PDZD2: variants seen among roughly 807,000 people sequenced by gnomAD.
The protein encoded by PDZD2 is PDZ domain-containing protein 2.
In PDZD2, 90 loss-of-function variants were observed where a neutral mutation model predicts 220.7. The observed-to-expected ratio is 0.41, with a 90% CI of 0.34 to 0.49. PDZD2 has a LOEUF of 0.49. PDZD2 is among the 20% of genes least tolerant of loss of function. The pLI is 0.28. For synonymous variants in PDZD2, 1,375 were observed against 1,450.5 expected (o/e 0.95, Z 1.18); for missense variants, 3,174 against 3,608.5 (o/e 0.88, Z 3.08).
chr5:31,759,274 ATT>A (rs575327865), intron 1 of PDZD2, among the ~76,000 whole-genome samples: 253 of 152,264 alleles, frequency 1.7e-3, no homozygotes, highest in African/African-American at 5.6e-3. Context: ...AAAAGGATGC[ATT>A]TGAACAGCTG....
chr5:31,687,196 G>T (rs1746909099), intron 1 of PDZD2, among the ~76,000 whole-genome samples: 1 of 152,178 alleles, frequency 6.6e-6, no homozygotes, highest in African/African-American at 2.4e-5. Context: ...ATCAGTAAAG[G>T]CTCCCAGGAG....
intron 1 of PDZD2, among the ~76,000 whole-genome samples, chr5:31,737,005 TAC>T (rs1218567955): frequency 2.0e-5 from 3 of 151,904 alleles, no homozygotes; most frequent in Non-Finnish European, 4.4e-5. Context: ...ATGCTTCCTA[TAC>T]AGCCTGCAGA....
chr5:31,858,120 C>G (rs146923981), intron 2 of PDZD2, among the ~76,000 whole-genome samples: 1 of 152,232 alleles, frequency 6.6e-6, no homozygotes, highest in East Asian at 1.9e-4. Flanking sequence ...GCCACCGCAC[C>G]TGGCCTTTTT....
chr5:31,815,245 C>CAAAAAAAAAAAAA (rs59040987), intron 2 of PDZD2, among the ~76,000 whole-genome samples: 12 of 57,936 alleles, frequency 2.1e-4, no homozygotes, highest in African/African-American at 7.4e-4. Context: ...AACTCTGTCT[C>CAAAAAAAAAAAAA]AAAAAAAAAA....
chr5:31,719,728 T>C (rs1279699049), intron 1 of PDZD2, among the ~76,000 whole-genome samples: 1 of 152,234 alleles, frequency 6.6e-6, no homozygotes, highest in Non-Finnish European at 1.5e-5. Flanking sequence ...ATTTACAGTC[T>C]AGCTTCTCCA....
intron 1 of PDZD2, among the ~76,000 whole-genome samples, chr5:31,787,424 G>C (rs1044497856): frequency 2.6e-5 from 4 of 152,166 alleles, no homozygotes; most frequent in Non-Finnish European, 5.9e-5. Flanking sequence ...TTTAGAAGTA[G>C]GTAGGGAACA....
chr5:31,674,042 G>T (rs1047841002), intron 1 of PDZD2, among the ~76,000 whole-genome samples: 1 of 152,184 alleles, frequency 6.6e-6, no homozygotes, highest in Non-Finnish European at 1.5e-5. Flanking sequence ...ATAACCAGGA[G>T]GAGAGCCCTC....
intron 2 of PDZD2, among the ~76,000 whole-genome samples, chr5:31,975,281 C>G (rs902764461): frequency 1.3e-5 from 2 of 152,172 alleles, no homozygotes; most frequent in African/African-American, 4.8e-5. Context: ...AAAGTCACAT[C>G]TTACATGGCA....
At chr5:31,923,294 T>C (rs531284631) in intron 2 of PDZD2, 1 of 607,538 alleles carries the variant, frequency 1.6e-6, no homozygotes, top group African/African-American at 1.9e-5. Flanking sequence ...AAAATAAAAA[T>C]AACTTCTCCC....
At chr5:31,865,137 G>A (rs930213591) in intron 2 of PDZD2, among the ~76,000 whole-genome samples, 1 of 151,894 alleles carries the variant, frequency 6.6e-6, no homozygotes, top group Non-Finnish European at 1.5e-5. Context: ...GTGAACCATC[G>A]CGCCCAGCTG....
At chr5:32,011,022 ACAAC>A (rs796353576) in intron 6 of PDZD2, among the ~76,000 whole-genome samples, 25 of 134,486 alleles carry the variant, frequency 1.9e-4, no homozygotes, top group African/African-American at 5.9e-4. Flanking sequence ...AAAAAAAAAA[ACAAC>A]AACAACAACA....
At chr5:31,976,874 C>T (rs182904021) in intron 2 of PDZD2, among the ~76,000 whole-genome samples, 1 of 151,736 alleles carries the variant, frequency 6.6e-6, no homozygotes, top group African/African-American at 2.4e-5. Context: ...CGTGCTACCA[C>T]GCCCGGCTAA....
At chr5:31,648,623 AC>A (rs904185344) in intron 1 of PDZD2, among the ~76,000 whole-genome samples, 50 of 150,080 alleles carry the variant, frequency 3.3e-4, no homozygotes, top group African/African-American at 1.2e-3. Flanking sequence ...GACACCCTTG[AC>A]CCCAGTCCTT....
chr5:32,013,699 A>G (rs79233495), intron 6 of PDZD2, among the ~76,000 whole-genome samples: 1,725 of 152,172 alleles, frequency 0.011, 35 homozygotes, highest in African/African-American at 0.038. Flanking sequence ...TCCTAAGCCC[A>G]TTATCTTCGG....
intron 2 of PDZD2, among the ~76,000 whole-genome samples, chr5:31,808,158 G>A (rs1388173375): frequency 6.6e-6 from 1 of 152,156 alleles, no homozygotes; most frequent in African/African-American, 2.4e-5. Context: ...TAAGGGTCCT[G>A]CCTACCTGAA....
intron 1 of PDZD2, among the ~76,000 whole-genome samples, chr5:31,658,623 CT>C (rs746305849): frequency 9.2e-4 from 135 of 146,902 alleles, no homozygotes; most frequent in African/African-American, 1.6e-3. Flanking sequence ...GCTGTTTTCA[CT>C]TTTTTTTTTT....
intron 1 of PDZD2, among the ~76,000 whole-genome samples, chr5:31,668,993 A>C (rs138238340): frequency 1.3e-5 from 2 of 152,154 alleles, no homozygotes; most frequent in East Asian, 3.9e-4. Context: ...GCAAACCTCC[A>C]TTACTGGGGT....
chr5:31,922,885 G>A (rs1002525566), intron 2 of PDZD2, among the ~76,000 whole-genome samples: 50 of 151,978 alleles, frequency 3.3e-4, no homozygotes, highest in African/African-American at 9.2e-4. Context: ...TTACCATGTT[G>A]GCCAGGCTGG....
chr5:31,692,038 T>C (rs1747158194), intron 1 of PDZD2, among the ~76,000 whole-genome samples: 1 of 152,164 alleles, frequency 6.6e-6, no homozygotes, highest in African/African-American at 2.4e-5. Flanking sequence ...GGGTGGTCGA[T>C]GGGACTGGGC....
Sources: gnomAD v4.1 joint callset for allele counts (sites outside exome capture counted in the v4.1 genomes callset) on GRCh38, gnomAD v4.1.1 for gene constraint, MANE v1.5 for transcripts, NCBI Gene and HGNC (gene_info 2026-07-23, HGNC 2026-07-21) for gene names.